Variants in FAM135B observed in about 807,000 individuals in gnomAD.
The protein encoded by FAM135B is protein FAM135B.
A neutral mutation model predicts 127.7 loss-of-function variants in FAM135B; 43 were observed. The observed-to-expected ratio is 0.34, with a 90% CI of 0.26 to 0.43. The LOEUF is 0.43. FAM135B is among the 20% of genes least tolerant of loss of function. FAM135B has a pLI of 1.00. For synonymous variants in FAM135B, 670 were observed against 665.1 expected, an observed-to-expected ratio of 1.01 and a Z score of -0.11; for missense variants, 1,558 against 1,725.6, an observed-to-expected ratio of 0.90 and a Z score of 1.72.
At chr8:138,291,957 A>G (rs1825145029) in intron 3 of FAM135B, among the ~76,000 whole-genome samples, 1 of 152,162 alleles carries the variant, frequency 6.6e-6, no homozygotes, top group South Asian at 2.1e-4. Flanking sequence ...GGGCCTCCGT[A>G]TTTTAAAGGA....
At position 138,152,849 on chromosome 8, in the gene FAM135B, A is replaced by T. The variant is rs774666458; in HGVS notation, c.1626T>A (p.Gly542=). ...GCACTGGGGCCTGTCCATCCTCTGG[A>T]CCTGGACTCCTTCTAGAAGTATCCA... ...ADVDTSRRSP[G]PEDGQAPVLT... is the part of the protein sequence containing the mutation. The change falls in exon 13 of 20, where the codon GGT becomes GGA. Residue 542 remains glycine (G), a synonymous_variant. Transcript: ENST00000395297. The T allele has an allele frequency of 2.5e-6, 4 of 1,614,036 alleles. No homozygotes were observed. In the African/African-American group the frequency reaches 5.3e-5, roughly 22 times the overall value.
At chr8:138,200,393 G>A (rs900657642) in intron 7 of FAM135B, among the ~76,000 whole-genome samples, 2 of 152,136 alleles carry the variant, frequency 1.3e-5, no homozygotes, top group Non-Finnish European at 2.9e-5. Flanking sequence ...GAAAGTCTAG[G>A]AGGGCTTGTA....
chr8:138,348,201 C>T (rs1234367518), intron 2 of FAM135B, among the ~76,000 whole-genome samples: 1 of 137,168 alleles, frequency 7.3e-6, no homozygotes, highest in Non-Finnish European at 1.5e-5. Context: ...ATGGCTCCAT[C>T]TCGGCTCACC....
chr8:138,452,082 T>C (rs920597900), intron 1 of FAM135B, among the ~76,000 whole-genome samples: 8 of 151,736 alleles, frequency 5.3e-5, no homozygotes, highest in African/African-American at 1.7e-4. Flanking sequence ...TTAATTTTAT[T>C]ATACTATGAC....
chr8:138,311,560 A>G (rs945632429), intron 2 of FAM135B, among the ~76,000 whole-genome samples: 4 of 152,180 alleles, frequency 2.6e-5, no homozygotes, highest in African/African-American at 9.7e-5. Context: ...GCAATTAATG[A>G]CTTTTTGCTT....
Position 138,362,279 on chromosome 8 carries a change from ATATC to A in FAM135B, c.77+5624_77+5627del, listed in dbSNP as rs1411942702. ...CTCCCTCTCACCATCCCCCACCCCC[ATATC>A]TTTTTTTTTTTTTTTTTTTTTACCA... On this transcript the variant is annotated intron_variant, in intron 2 of 19. Transcript: ENST00000395297. Among the ~76,000 whole-genome samples the A allele has an allele frequency of 1.1e-3, 139 of 122,500 alleles. 2 individuals are homozygous for A. The highest frequency in any genetic ancestry group is 1.4e-3 in the East Asian group (6 of 4,288). The allele number at this position is 122,500 out of a possible 152,430, so 80.4% of individuals were successfully genotyped here. A position where few individuals can be genotyped will look rare whatever the true frequency, so the allele number is the denominator to read the frequency against.
intron 7 of FAM135B, among the ~76,000 whole-genome samples, chr8:138,230,696 C>T (rs1563797510): frequency 6.6e-6 from 1 of 152,138 alleles, no homozygotes; most frequent in Non-Finnish European, 1.5e-5. Flanking sequence ...TTGGAATGTT[C>T]TGAGGTAGAC....
intron 1 of FAM135B, among the ~76,000 whole-genome samples, chr8:138,422,670 T>C (rs1834582013): frequency 6.6e-6 from 1 of 152,164 alleles, no homozygotes; most frequent in South Asian, 2.1e-4. Context: ...TCAGCCACTG[T>C]AGAAAGCAGT....
At chr8:138,329,300 C>T (rs1828010372) in intron 2 of FAM135B, among the ~76,000 whole-genome samples, 1 of 152,182 alleles carries the variant, frequency 6.6e-6, no homozygotes, top group Admixed American at 6.5e-5. Context: ...CTCCTTCCAC[C>T]AGCATGTGTC....
chr8:138,221,746 C>G (rs576002171), intron 7 of FAM135B, among the ~76,000 whole-genome samples: 2 of 152,296 alleles, frequency 1.3e-5, no homozygotes, highest in African/African-American at 4.8e-5. Flanking sequence ...TCTGATCCCA[C>G]CGAACAAATC....
At chr8:138,309,908 G>A (rs1205153768) in intron 3 of FAM135B, among the ~76,000 whole-genome samples, 1 of 140,920 alleles carries the variant, frequency 7.1e-6, no homozygotes, top group Non-Finnish European at 1.5e-5. Context: ...CACCCAGGCT[G>A]GAGTGGAGTG....
chr8:138,163,806 C>T (rs1030707695), intron 12 of FAM135B, among the ~76,000 whole-genome samples: 1 of 152,052 alleles, frequency 6.6e-6, no homozygotes, highest in African/African-American at 2.4e-5. Context: ...TGAACAAATG[C>T]TATTATGGCT....
At chr8:138,175,766 T>C (rs150227952) in intron 11 of FAM135B, among the ~76,000 whole-genome samples, 153 of 152,320 alleles carry the variant, frequency 1.0e-3, no homozygotes, top group Middle Eastern at 3.4e-3. Flanking sequence ...GCTTTTTTCT[T>C]CCACTTGTCA....
chr8:138,268,019 T>C (rs530522712), intron 3 of FAM135B, among the ~76,000 whole-genome samples: 5 of 152,320 alleles, frequency 3.3e-5, no homozygotes, highest in Middle Eastern at 3.4e-3. Flanking sequence ...GTGAATACCC[T>C]GAAGGTCAGA....
intron 2 of FAM135B, among the ~76,000 whole-genome samples, chr8:138,317,235 G>A (rs1469592938): frequency 2.0e-5 from 3 of 152,156 alleles, no homozygotes; most frequent in African/African-American, 7.2e-5. Context: ...CCACACAGTT[G>A]TGCTCAGCAA....
intron 12 of FAM135B, among the ~76,000 whole-genome samples, chr8:138,155,089 T>C (rs974255758): frequency 6.6e-6 from 1 of 152,166 alleles, no homozygotes; most frequent in African/African-American, 2.4e-5. Flanking sequence ...AGACTAACAG[T>C]GGATCTCTCA....
chr8:138,139,260 G>T (rs1409629530), intron 17 of FAM135B, among the ~76,000 whole-genome samples, 164 bp from the exon 18 acceptor site: 3 of 152,148 alleles, frequency 2.0e-5, no homozygotes, highest in Non-Finnish European at 4.4e-5. Flanking sequence ...AGGTAAATTT[G>T]TCCTCTCACG....
intron 2 of FAM135B, among the ~76,000 whole-genome samples, chr8:138,311,825 C>T (rs992152443): frequency 1.3e-5 from 2 of 152,136 alleles, no homozygotes; most frequent in South Asian, 2.1e-4. Context: ...AAATGATGAA[C>T]AAAAATGAAG....
intron 2 of FAM135B, among the ~76,000 whole-genome samples, chr8:138,328,608 C>G (rs936719788): frequency 8.5e-5 from 13 of 152,184 alleles, no homozygotes; most frequent in African/African-American, 3.1e-4. Flanking sequence ...CATTTCCTTC[C>G]CAACCATTTA....
Sources: gnomAD v4.1 joint callset for allele counts (sites outside exome capture counted in the v4.1 genomes callset) on GRCh38, gnomAD v4.1.1 for gene constraint, MANE v1.5 for transcripts, NCBI Gene and HGNC (gene_info 2026-07-23, HGNC 2026-07-21) for gene names.